The following L1CAM variants were observed in gnomAD, a reference collection of about 807,000 sequenced individuals.
L1CAM encodes neural cell adhesion molecule L1.
L1CAM carries 8 observed loss-of-function variants against 93.0 expected under a neutral mutation model. That is an observed-to-expected ratio of 0.09 (90% CI 0.05 to 0.16). The LOEUF is 0.16. Ranked by LOEUF, L1CAM falls within the 10% of genes least tolerant of loss-of-function variation. L1CAM has a pLI of 1.00. For missense variants in L1CAM, 777 were observed against 1,073.4 expected (o/e 0.72, Z 3.86); for synonymous variants, 453 against 453.0 (o/e 1.00, Z 0.00).
rs1159888750 is a variant in L1CAM, at chrX:153,869,633, T to C, written c.1154A>G (p.Gln385Arg). Residue 385 changes from glutamine to arginine, a missense_variant, in exon 11 of 29, where the codon CAG becomes CGG. By Grantham distance (43) the Gln-to-Arg change is conservative. Transcript: ENST00000370060. ...ELAKDQKYRI[Q>R]RGALILSNVQ... ...GTTGCTCAGGATCAGGGCGCCACGC[T>C]GAATCCGGTACTTCTGGTCTTTGGC... is the stretch of plus-strand genomic sequence containing the variant. 4 of 1,208,762 alleles carry C rather than the reference T, an allele frequency of 3.3e-6. No homozygotes were observed. Among genetic ancestry groups the C allele is most frequent in the Non-Finnish European group, 4.5e-6 (4 of 894,106 alleles).
chrX:153,883,861 C>A (rs1557096274), intron 1 of L1CAM: 2 of 342,929 alleles, frequency 5.8e-6, no homozygotes, highest in Non-Finnish European at 1.2e-5. Context: ...CTCAGTGCAG[C>A]CATTTCGAGC....
At chrX:153,884,114 A>G in intron 1 of L1CAM, 1 of 740,341 alleles carries the variant, frequency 1.4e-6, no homozygotes, top group East Asian at 8.1e-5. Flanking sequence ...AATCATCAAG[A>G]AAAAAGAAAA....
chrX:153,883,758 A>G (rs1306937555), intron 1 of L1CAM: 1 of 340,841 alleles, frequency 2.9e-6, no homozygotes, highest in African/African-American at 2.6e-5. Flanking sequence ...TCCTCACAGG[A>G]CCCCACCACT....
At position 153,870,507 on chromosome X, in the gene L1CAM, G is replaced by A. The variant is rs782636050; in HGVS notation, c.695-8C>T. On this transcript the variant is annotated splice_region_variant and splice_polypyrimidine_tract_variant and intron_variant, in intron 7 of 28. Coordinates refer to ENST00000370060, the MANE Select transcript of L1CAM (RefSeq NM_001278116.2). ...TGTCAATCATGCTGTTGGCTGCCAG[G>A]AGAAAGTGGGTGGGTGGGCTGCCCA... 3 of 1,191,812 alleles carry A rather than the reference G, an allele frequency of 2.5e-6. No individual in the cohort carries two copies. The highest frequency in any genetic ancestry group is 2.2e-5 in the Admixed American group (1 of 46,013).
At position 153,864,572 on chromosome X, in the gene L1CAM, C is replaced by T; in HGVS notation, c.3166+13G>A. 5.0e-6 allele frequency: 6 copies of T among 1,211,035 alleles called. No homozygotes were observed. The highest frequency in any genetic ancestry group is 5.6e-6 in the Non-Finnish European group (5 of 894,768). ...CTTCCCCACCACGCCCCAAGGCCCC[C>T]TTTCACGCTTACCTCCCAAGGCTTT... On this transcript the variant is annotated intron_variant, in intron 24 of 28. Transcript: ENST00000370060.
At chrX:153,874,179 A>G (rs1557093963) in intron 2 of L1CAM, among the ~76,000 whole-genome samples, 1 of 112,582 alleles carries the variant, frequency 8.9e-6, no homozygotes, top group African/African-American at 3.2e-5. Context: ...AGGTTCCAAC[A>G]GGGAGGGCCG....
intron 1 of L1CAM, among the ~76,000 whole-genome samples, chrX:153,884,857 G>A (rs1330993728): frequency 2.7e-5 from 3 of 113,041 alleles, no homozygotes; most frequent in Non-Finnish European, 3.8e-5. Flanking sequence ...GAAGAAGGGC[G>A]GACTGCACTG....
At position 153,866,768 on chromosome X, in the gene L1CAM, G is replaced by C. The variant is rs201645768; in HGVS notation, c.2312C>G (p.Pro771Arg). 2 of 1,211,301 alleles carry C rather than the reference G, an allele frequency of 1.7e-6. No homozygotes were observed. Among genetic ancestry groups the C allele is most frequent in the Non-Finnish European group, 2.2e-6 (2 of 895,079 alleles). ...GGACGTGTTGGACACCACCAGGAAG[G>C]GGTCGCTGACAATCTGCTCCTGCCA... is the stretch of plus-strand genomic sequence containing the variant. ...GPWQEQIVSD[P>R]FLVVSNTSTF... Residue 771 changes from proline to arginine, a missense_variant, in exon 19 of 29, where the codon CCC becomes CGC. Transcript: ENST00000370060.
In L1CAM at chrX:153,863,362, C is replaced by T; in HGVS notation, c.3542+6G>A. On this transcript the variant is annotated splice_donor_region_variant and intron_variant, in intron 28 of 28. Coordinates refer to ENST00000370060, the MANE Select transcript of L1CAM (RefSeq NM_001278116.2). ...TGTTGGCCCCTCCCCACCGCCCCTG[C>T]CTTACCTCTCCAGGGACCTGAAGTC... 1.7e-6 allele frequency: 2 copies of T among 1,210,502 alleles called. No homozygotes were observed. The highest frequency in any genetic ancestry group is 2.2e-6 in the Non-Finnish European group (2 of 894,587).
chrX:153,883,072 A>G (rs2064853878), intron 1 of L1CAM, among the ~76,000 whole-genome samples: 1 of 111,661 alleles, frequency 9.0e-6, no homozygotes, highest in African/African-American at 3.3e-5. Context: ...TTCCACTCAG[A>G]CAAGGCCCCC....
chrX:153,878,830 C>T (rs945386431), intron 1 of L1CAM, among the ~76,000 whole-genome samples: 2 of 111,254 alleles, frequency 1.8e-5, no homozygotes, highest in Non-Finnish European at 3.8e-5. Context: ...AATACAATAT[C>T]CCCAAACCCC....
intron 1 of L1CAM, among the ~76,000 whole-genome samples, chrX:153,878,208 G>C (rs1344920547): frequency 2.7e-5 from 3 of 112,837 alleles, no homozygotes; most frequent in Middle Eastern, 9.2e-3. Context: ...AGCGGGCACC[G>C]AGCCTCAGCA....
intron 1 of L1CAM, chrX:153,885,312 G>A: frequency 1.2e-6 from 1 of 812,805 alleles, no homozygotes; most frequent in Non-Finnish European, 1.7e-6. Flanking sequence ...GGGAGGCACA[G>A]CAGTGGGTGC....
In L1CAM at chrX:153,870,117, G is replaced by A; in HGVS notation, c.930C>T (p.Tyr310=). 2 of 1,211,951 alleles carry A rather than the reference G, an allele frequency of 1.7e-6. No individual in the cohort carries two copies. The highest frequency in any genetic ancestry group is 1.8e-5 in the South Asian group (1 of 57,015). The change falls in exon 9 of 29, where the codon TAC becomes TAT. Residue 310 remains tyrosine, a synonymous_variant. Transcript: ENST00000370060. The part of the protein sequence containing the change: ...LKVGEEDDGE[Y]RCLAENSLGS... ...CCAGTGAGTTCTCGGCCAGGCAGCG[G>A]TACTCGCCATCATCCTCCTCGCCCA...
chrX:153,875,236 G>A (rs1260958524), intron 2 of L1CAM, among the ~76,000 whole-genome samples: 1 of 111,644 alleles, frequency 9.0e-6, no homozygotes. Flanking sequence ...CTGCTGGGCT[G>A]GGACCAGGGT....
intron 1 of L1CAM, chrX:153,883,931 C>T (rs782805097): frequency 8.8e-6 from 3 of 340,686 alleles, no homozygotes; most frequent in South Asian, 2.6e-5. Context: ...CGACCCTCAC[C>T]TGCCAGTCCT....
At chrX:153,872,131 G>A in intron 5 of L1CAM, 21 bp downstream of exon 5, 1 of 1,182,036 alleles carries the variant, frequency 8.5e-7, no homozygotes, top group Non-Finnish European at 1.1e-6. Context: ...TGCCCTCCCT[G>A]GTCCCTGCAG....
chrX:153,868,517 C>T, intron 13 of L1CAM, 44 bp downstream of exon 13: 2 of 1,211,950 alleles, frequency 1.7e-6, no homozygotes, highest in Non-Finnish European at 2.2e-6. Flanking sequence ...CCCAGACCCT[C>T]CCTCCCAGAG....
chrX:153,867,972 G>A (rs1557091594), intron 15 of L1CAM, 26 bp downstream of exon 15: 1 of 1,210,819 alleles, frequency 8.3e-7, no homozygotes. Context: ...GCCTTCTGGA[G>A]TGGAGGCTTC....
Sources: gnomAD v4.1 joint callset for allele counts (sites outside exome capture counted in the v4.1 genomes callset) on GRCh38, gnomAD v4.1.1 for gene constraint, MANE v1.5 for transcripts, NCBI Gene and HGNC (gene_info 2026-07-23, HGNC 2026-07-21) for gene names.